Variants in CSE1L observed in about 807,000 individuals in gnomAD.
CSE1L encodes the protein exportin-2.
CSE1L carries 24 observed loss-of-function variants against 120.4 expected under a neutral mutation model. That is an observed-to-expected ratio of 0.20 (90% CI 0.14 to 0.28). CSE1L has a LOEUF of 0.28. CSE1L is among the 10% of genes least tolerant of loss of function. The pLI is 1.00. For synonymous variants in CSE1L, 402 were observed against 398.3 expected (o/e 1.01, Z -0.11); for missense variants, 830 against 1,145.2 (o/e 0.72, Z 3.97).
intron 14 of CSE1L, among the ~76,000 whole-genome samples, chr20:49,080,714 G>A (rs907513661): frequency 1.1e-4 from 16 of 152,086 alleles, no homozygotes; most frequent in African/African-American, 3.4e-4. Context: ...TACCTCAGGC[G>A]ATCCGCCTGC....
chr20:49,051,429 G>C (rs1285582442), intron 1 of CSE1L, among the ~76,000 whole-genome samples: 1 of 152,358 alleles, frequency 6.6e-6, no homozygotes, highest in East Asian at 1.9e-4. Flanking sequence ...TGTAGTCCCA[G>C]CTACTTGGGA....
intron 16 of CSE1L, among the ~76,000 whole-genome samples, chr20:49,085,819 C>T (rs1175887311): frequency 6.6e-6 from 1 of 151,986 alleles, no homozygotes; most frequent in Non-Finnish European, 1.5e-5. Context: ...TATCTGCCCG[C>T]CTCAGCCTCC....
chr20:49,090,581 G>A (rs1466236400), intron 19 of CSE1L, among the ~76,000 whole-genome samples, 161 bp from the exon 20 acceptor site: 1 of 152,040 alleles, frequency 6.6e-6, no homozygotes, highest in African/African-American at 2.4e-5. Context: ...TTACTTTAAT[G>A]GCTACGCGGG....
At chr20:49,083,359 C>T (rs1400579369) in intron 14 of CSE1L, among the ~76,000 whole-genome samples, 1 of 152,140 alleles carries the variant, frequency 6.6e-6, no homozygotes, top group Non-Finnish European at 1.5e-5. Context: ...GTGCCTAAAG[C>T]GATCCAGCTA....
chr20:49,074,961 G>C (rs1000073282), intron 11 of CSE1L, 111 bp downstream of exon 11: 6 of 742,276 alleles, frequency 8.1e-6, no homozygotes, highest in Non-Finnish European at 1.3e-5. Context: ...TTTTTTCAGC[G>C]GGCTTTCATT....
chr20:49,077,150 G>GTTA, intron 13 of CSE1L, 86 bp downstream of exon 13: 34 of 407,760 alleles, frequency 8.3e-5, no homozygotes, highest in Non-Finnish European at 1.1e-4. Flanking sequence ...GTTCCCTTTT[G>GTTA]TTCTTTTTTT....
chr20:49,048,752 T>G (rs903269397), intron 1 of CSE1L, among the ~76,000 whole-genome samples: 1 of 152,230 alleles, frequency 6.6e-6, no homozygotes, highest in Non-Finnish European at 1.5e-5. Flanking sequence ...GATTTGATTC[T>G]AAGTGGTATA....
intron 2 of CSE1L, among the ~76,000 whole-genome samples, chr20:49,062,511 A>G (rs1229795296): frequency 1.3e-5 from 2 of 152,136 alleles, no homozygotes; most frequent in Non-Finnish European, 1.5e-5. Flanking sequence ...TTTTTTGGAT[A>G]AATTCATTGC....
At chr20:49,053,314 T>G (rs1200179851) in intron 1 of CSE1L, among the ~76,000 whole-genome samples, 1 of 151,312 alleles carries the variant, frequency 6.6e-6, no homozygotes, top group African/African-American at 2.4e-5. Flanking sequence ...GATACACTGA[T>G]GTTAATGATT....
chr20:49,089,232 T>G lies in CSE1L; in HGVS notation c.1822-15T>G. On this transcript the variant is annotated splice_polypyrimidine_tract_variant and intron_variant, in intron 17 of 24. Transcript: ENST00000262982. ...GGATTATTAGCATAATTAGGTTTTT[T>G]TTTTTTAATTTCAGAACCCAAGCAA... 6 of 1,555,124 alleles carry G rather than the reference T, an allele frequency of 3.9e-6. No individual in the cohort carries two copies. The highest frequency in any genetic ancestry group is 5.2e-6 in the Non-Finnish European group (6 of 1,158,032).
In CSE1L at chr20:49,090,950, C is replaced by A; in HGVS notation, c.2293C>A (p.Gln765Lys). The change falls in exon 21 of 25, where the codon CAA (glutamine) becomes AAA (lysine). Residue 765 changes from glutamine (Q) to lysine (K), a missense_variant. Gln to Lys is a moderately conservative substitution (Grantham distance 53). Transcript: ENST00000262982. ...IEHMPPESVD[Q>K]YRKQIFILLF... is the part of the protein sequence containing the mutation. ...TTAATTCTTTAGTGAATCAGTTGACCAATATAGGAAACAAATCTTCATTCT... is the reference window on the plus strand; with the variant it reads ...TTAATTCTTTAGTGAATCAGTTGACAAATATAGGAAACAAATCTTCATTCT... 6.2e-7 allele frequency: 1 copy of A among 1,608,870 alleles called. No individual in the cohort carries two copies. The highest frequency in any genetic ancestry group is 1.1e-5 in the South Asian group (1 of 90,358).
At chr20:49,093,928 A>G (rs899359545) in intron 22 of CSE1L, among the ~76,000 whole-genome samples, 1 of 151,958 alleles carries the variant, frequency 6.6e-6, no homozygotes. Flanking sequence ...AAAAAAAAAA[A>G]GAAAAGAAAA....
chr20:49,073,966 A>G (rs2091950243), intron 10 of CSE1L, among the ~76,000 whole-genome samples: 1 of 152,018 alleles, frequency 6.6e-6, no homozygotes, highest in African/African-American at 2.4e-5. Context: ...TTTAATCCCA[A>G]CACTTTGGGA....
At position 49,094,168 on chromosome 20, in the gene CSE1L, A is replaced by C. The variant is rs1241824120; in HGVS notation, c.2476A>C (p.Ile826Leu). 3.8e-6 allele frequency: 6 copies of C among 1,582,982 alleles called. No homozygotes were observed. In the African/African-American group the frequency reaches 8.1e-5, roughly 21 times the overall value. The change falls in exon 23 of 25, where the codon ATT becomes CTT. Residue 826 changes from isoleucine (I) to leucine (L), a missense_variant. Ile to Leu is a conservative substitution (Grantham distance 5). This residue lies in a region of CSE1L where 112 missense variants were observed against 200.0 expected (regional missense o/e 0.56). Coordinates refer to ENST00000262982, the MANE Select transcript of CSE1L (RefSeq NM_001316.4). ...GTTTGGAATGGTTTTGGAAAAAATT[A>C]TTATTCCTGAAATTCAGAAGGTATC... is the stretch of plus-strand genomic sequence containing the variant. The part of the protein sequence containing the change: ...KMFGMVLEKI[I>L]IPEIQKVSGN...
At chr20:49,070,715 T>C (rs1351847031) in intron 8 of CSE1L, among the ~76,000 whole-genome samples, 1 of 152,122 alleles carries the variant, frequency 6.6e-6, no homozygotes, top group Non-Finnish European at 1.5e-5. Flanking sequence ...GAGGATCCCT[T>C]GAGCCCAGGA....
rs746522292 is a variant in CSE1L, at chr20:49,090,964, A to G, written c.2307A>G (p.Gln769=). The G allele has an allele frequency of 5.6e-6, 9 of 1,611,766 alleles. No individual in the cohort carries two copies. Among genetic ancestry groups the G allele is most frequent in the Non-Finnish European group, 6.8e-6 (8 of 1,178,434 alleles). ...AATCAGTTGACCAATATAGGAAACA[A>G]ATCTTCATTCTGCTATTCCAGAGAC... The part of the protein sequence containing the change: ...PPESVDQYRK[Q]IFILLFQRLQ... Residue 769 remains glutamine, a synonymous_variant, in exon 21 of 25, where the codon CAA becomes CAG. Coordinates refer to ENST00000262982, the MANE Select transcript of CSE1L (RefSeq NM_001316.4).
chr20:49,061,161 T>C (rs1016137783), intron 2 of CSE1L, among the ~76,000 whole-genome samples: 1 of 147,144 alleles, frequency 6.8e-6, no homozygotes, highest in Non-Finnish European at 1.5e-5. Flanking sequence ...GCCAACACTA[T>C]TAAAAATTTT....
At position 49,066,185 on chromosome 20, in the gene CSE1L, C is replaced by G; in HGVS notation, c.229-7C>G. ...TGTTACTTCCTCAGTTACTGCTTTGCTTTTAGGTTGAAGATGAACCAAACA... is the reference window on the plus strand; with the variant it reads ...TGTTACTTCCTCAGTTACTGCTTTGGTTTTAGGTTGAAGATGAACCAAACA... On this transcript the variant is annotated splice_region_variant and splice_polypyrimidine_tract_variant and intron_variant, in intron 3 of 24. Coordinates refer to ENST00000262982, the MANE Select transcript of CSE1L (RefSeq NM_001316.4). The G allele has an allele frequency of 6.2e-7, 1 of 1,613,286 alleles. No homozygotes were observed. Among genetic ancestry groups the G allele is most frequent in the Non-Finnish European group, 8.5e-7 (1 of 1,179,318 alleles).
chr20:49,073,166 C>A (rs1219161440), intron 10 of CSE1L, among the ~76,000 whole-genome samples: 2 of 152,102 alleles, frequency 1.3e-5, no homozygotes, highest in Non-Finnish European at 2.9e-5. Flanking sequence ...CACACATCAC[C>A]ATGCCTGGCT....
Sources: gnomAD v4.1 joint callset for allele counts (sites outside exome capture counted in the v4.1 genomes callset) on GRCh38, gnomAD v4.1.1 for gene constraint, gnomAD v4.1.1 regional missense constraint, MANE v1.5 for transcripts, NCBI Gene and HGNC (gene_info 2026-07-23, HGNC 2026-07-21) for gene names.